The following NKAIN2 variants were observed in gnomAD, a reference collection of about 807,000 sequenced individuals.
The protein encoded by NKAIN2 is sodium/potassium transporting ATPase interacting 2, also known as sodium/potassium-transporting ATPase subunit beta-1-interacting protein 2.
NKAIN2 carries 14 observed loss-of-function variants against 32.6 expected under a neutral mutation model. The observed-to-expected ratio is 0.43, with a 90% confidence interval of 0.28 to 0.67. The LOEUF is 0.67. Among genes scored for constraint, NKAIN2 ranks in the 30% least tolerant of loss-of-function variants. The probability of loss-of-function intolerance (pLI) is 0.17; values close to 1 mark genes in which losing one functional copy is unlikely to be tolerated. For synonymous variants in NKAIN2, 80 were observed against 87.2 expected (o/e 0.92, Z 0.46); for missense variants, 198 against 258.3 (o/e 0.77, Z 1.60).
chr6:124,295,446 C>T (rs1796008425), intron 2 of NKAIN2, among the ~76,000 whole-genome samples: 1 of 151,986 alleles, frequency 6.6e-6, no homozygotes, highest in Non-Finnish European at 1.5e-5. Context: ...GACAAACAGC[C>T]CCATAGCTGC....
intron 1 of NKAIN2, among the ~76,000 whole-genome samples, chr6:123,879,757 T>C (rs1582702604): frequency 6.6e-6 from 1 of 152,234 alleles, no homozygotes; most frequent in South Asian, 2.1e-4. Context: ...GTTTCCAGTG[T>C]ACCTTTCACA....
intron 1 of NKAIN2, among the ~76,000 whole-genome samples, chr6:123,882,646 A>G (rs1773504794): frequency 1.3e-5 from 2 of 152,162 alleles, no homozygotes; most frequent in African/African-American, 4.8e-5. Flanking sequence ...TATTTCTTCC[A>G]ATAAAAATGT....
At chr6:124,261,260 T>A (rs1794235646) in intron 1 of NKAIN2, among the ~76,000 whole-genome samples, 1 of 152,194 alleles carries the variant, frequency 6.6e-6, no homozygotes, top group South Asian at 2.1e-4. Flanking sequence ...TCATTTTTCT[T>A]TTTTACTCTC....
intron 1 of NKAIN2, among the ~76,000 whole-genome samples, chr6:124,104,232 T>G (rs1785017657): frequency 6.6e-6 from 1 of 152,234 alleles, no homozygotes; most frequent in African/African-American, 2.4e-5. Context: ...TAACCTTTTT[T>G]GTCTTGCTAA....
intron 4 of NKAIN2, among the ~76,000 whole-genome samples, chr6:124,676,432 C>T (rs1773358212): frequency 6.6e-6 from 1 of 152,084 alleles, no homozygotes; most frequent in Non-Finnish European, 1.5e-5. Context: ...TTGAAATCTC[C>T]TACTATCATT....
intron 1 of NKAIN2, among the ~76,000 whole-genome samples, chr6:124,031,791 C>T (rs1781417446): frequency 6.6e-6 from 1 of 152,092 alleles, no homozygotes. Flanking sequence ...TTGATAATTT[C>T]TGTTCTTTTA....
In NKAIN2 at chr6:124,394,812, C is replaced by A. The variant is rs377526310; in HGVS notation, c.273+39465C>A. On this transcript the variant is annotated intron_variant, in intron 3 of 6. Transcript: ENST00000368417. The stretch of plus-strand genomic sequence containing the variant: ...TGAATTCAAATGCTAATCTCATCCA[C>A]AAACACCCATAATAGTGTTTGACCA... Among the ~76,000 whole-genome samples the A allele has an allele frequency of 1.3e-4, 20 of 152,274 alleles. No individual in the cohort carries two copies. The East Asian group carries it at 2.9e-3, about 22-fold the overall frequency.
intron 1 of NKAIN2, among the ~76,000 whole-genome samples, chr6:124,268,553 A>C (rs1304223376): frequency 1.3e-5 from 2 of 152,108 alleles, no homozygotes; most frequent in Non-Finnish European, 1.5e-5. Context: ...TATTACTTAC[A>C]TATTTTTATT....
intron 3 of NKAIN2, among the ~76,000 whole-genome samples, chr6:124,357,724 G>A (rs1353996250): frequency 2.0e-5 from 3 of 152,170 alleles, no homozygotes; most frequent in Admixed American, 6.5e-5. Context: ...GTAATAAAAC[G>A]TGATAAAACA....
chr6:124,121,352 A>G (rs958487948), intron 1 of NKAIN2, among the ~76,000 whole-genome samples: 1 of 152,054 alleles, frequency 6.6e-6, no homozygotes, highest in Non-Finnish European at 1.5e-5. Flanking sequence ...ATAATTATAA[A>G]ATATCACCAC....
At chr6:123,842,663 T>G (rs1035745881) in intron 1 of NKAIN2, among the ~76,000 whole-genome samples, 2 of 151,952 alleles carry the variant, frequency 1.3e-5, no homozygotes, top group African/African-American at 4.8e-5. Flanking sequence ...TTGACTCTTG[T>G]CTATGTTTTT....
intron 2 of NKAIN2, among the ~76,000 whole-genome samples, chr6:124,353,734 G>T (rs370770596): frequency 6.7e-6 from 1 of 150,292 alleles, no homozygotes; most frequent in Non-Finnish European, 1.5e-5. Flanking sequence ...CAGCCTGGGC[G>T]ACAGAGCGAG....
intron 1 of NKAIN2, among the ~76,000 whole-genome samples, chr6:124,104,938 G>A (rs1217605816): frequency 1.3e-5 from 2 of 152,132 alleles, no homozygotes; most frequent in African/African-American, 2.4e-5. Context: ...TTTATGTGGA[G>A]GCTGAGACAT....
intron 1 of NKAIN2, among the ~76,000 whole-genome samples, chr6:123,949,233 T>TG (rs1777215029): frequency 6.6e-6 from 1 of 151,982 alleles, no homozygotes; most frequent in South Asian, 2.1e-4. Context: ...AAGGTAGTAG[T>TG]GGGAGGCCTC....
intron 3 of NKAIN2, among the ~76,000 whole-genome samples, chr6:124,511,933 T>G (rs1227595822): frequency 1.3e-5 from 2 of 152,202 alleles, no homozygotes; most frequent in Non-Finnish European, 2.9e-5. Flanking sequence ...CTCACCACTT[T>G]TGAAGTGGTT....
chr6:124,411,981 G>A (rs1199842300), intron 3 of NKAIN2, among the ~76,000 whole-genome samples: 2 of 152,150 alleles, frequency 1.3e-5, no homozygotes. Context: ...ATTGGTTACT[G>A]AGGCTTGTGC....
intron 2 of NKAIN2, among the ~76,000 whole-genome samples, chr6:124,349,477 C>T (rs1383933467): frequency 6.6e-6 from 1 of 152,096 alleles, no homozygotes; most frequent in Non-Finnish European, 1.5e-5. Context: ...AACAATCACA[C>T]CTAAAAACAT....
chr6:124,381,432 A>G (rs1429828559), intron 3 of NKAIN2, among the ~76,000 whole-genome samples: 1 of 152,206 alleles, frequency 6.6e-6, no homozygotes, highest in African/African-American at 2.4e-5. Context: ...AGTGTTGAGA[A>G]CCATTTATTT....
chr6:124,390,071 C>T (rs938809045), intron 3 of NKAIN2, among the ~76,000 whole-genome samples: 3 of 152,084 alleles, frequency 2.0e-5, no homozygotes, highest in Non-Finnish European at 2.9e-5. Flanking sequence ...TATTCCAAAG[C>T]TCTGAAAAGG....
Sources: allele counts gnomAD v4.1 joint callset (sites outside exome capture counted in the v4.1 genomes callset), GRCh38; gene constraint gnomAD v4.1.1; transcripts MANE v1.5; gene names NCBI Gene and HGNC (gene_info 2026-07-23, HGNC 2026-07-21).